ACBD6: variants seen among roughly 807,000 people sequenced by gnomAD.
The protein encoded by ACBD6 is acyl-CoA binding domain containing 6.
Under a neutral mutation model 37.2 loss-of-function variants are expected in ACBD6, and 28 were observed. The observed-to-expected ratio is 0.75, with a 90% CI of 0.56 to 1.03. The LOEUF is 1.03. Ranked by LOEUF, ACBD6 falls within the 50% of genes least tolerant of loss-of-function variation. ACBD6 has a pLI of 0.00. For missense variants in ACBD6, 340 were observed against 337.4 expected (o/e 1.01, Z -0.06); for synonymous variants, 113 against 126.8 (o/e 0.89, Z 0.73).
intron 6 of ACBD6, among the ~76,000 whole-genome samples, chr1:180,380,911 T>C (rs56303477): frequency 0.15 from 23,455 of 152,134 alleles, 3,203 homozygotes; most frequent in African/African-American, 0.37. Flanking sequence ...TTTTCCACTT[T>C]AAAGACACAC....
intron 9 of ACBD6, among the ~76,000 whole-genome samples, chr1:180,279,266 A>G (rs1558231371): frequency 1.3e-5 from 2 of 152,184 alleles, no homozygotes; most frequent in Non-Finnish European, 2.9e-5. Flanking sequence ...TGTTGACCAT[A>G]TAACTTTTAG....
chr1:180,406,360 A>C (rs188847709), intron 5 of ACBD6, among the ~76,000 whole-genome samples: 44 of 152,280 alleles, frequency 2.9e-4, no homozygotes, highest in African/African-American at 1.0e-3. Flanking sequence ...ACTGTTGCTA[A>C]AAAGTTTCAG....
At position 180,502,141 on chromosome 1, in the gene ACBD6, C is replaced by T. The variant is rs1393293312; in HGVS notation, c.126G>A (p.Leu42=). The change falls in exon 1 of 8, where the codon CTG becomes CTA. Residue 42 remains leucine, a synonymous_variant. Coordinates refer to ENST00000367595, the MANE Select transcript of ACBD6 (RefSeq NM_032360.4). The stretch of plus-strand genomic sequence containing the variant: ...CGGCAGCCTTCTCAAACAGCTCGGC[C>T]AGGCAACTGGTCTCCTCGATCTCAG... The part of the protein sequence containing the change: ...HSPEIEETSC[L]AELFEKAAAH... The T allele has an allele frequency of 6.2e-7, 1 of 1,614,110 alleles. No individual in the cohort carries two copies. The highest frequency in any genetic ancestry group is 1.7e-5 in the Admixed American group (1 of 60,030).
chr1:180,493,252 A>AAAAAG (rs1651582524), intron 2 of ACBD6, among the ~76,000 whole-genome samples: 1 of 87,726 alleles, frequency 1.1e-5, no homozygotes, highest in Non-Finnish European at 2.5e-5. Context: ...TGTCTCAAAA[A>AAAAAG]AAAAAAAAAA....
intron 7 of ACBD6, among the ~76,000 whole-genome samples, chr1:180,298,763 T>G (rs1310194869): frequency 6.6e-6 from 1 of 152,248 alleles, no homozygotes; most frequent in African/African-American, 2.4e-5. Flanking sequence ...GGCATTCATA[T>G]GAAAGGGGTT....
At chr1:180,419,774 A>T (rs1402528255) in intron 4 of ACBD6, among the ~76,000 whole-genome samples, 1 of 152,190 alleles carries the variant, frequency 6.6e-6, no homozygotes, top group East Asian at 1.9e-4. Flanking sequence ...GTGGAAGTGG[A>T]TCATCATAAA....
At chr1:180,421,874 A>G (rs1648379184) in intron 4 of ACBD6, among the ~76,000 whole-genome samples, 2 of 151,472 alleles carry the variant, frequency 1.3e-5, no homozygotes, top group Admixed American at 1.3e-4. Flanking sequence ...TTTCTTGTAA[A>G]TTTGCTTATT....
Position 180,430,214 on chromosome 1 carries a change from C to G in ACBD6, c.433G>C (p.Val145Leu), listed in dbSNP as rs1282798846. The change falls in exon 4 of 8, where the codon GTT (valine) becomes CTT (leucine). Residue 145 changes from valine to leucine, a missense_variant. Transcript: ENST00000367595. ...TCTTCATGATATAGAGAACTAATAA[C>G]TGGCCCACCAAAACCTGTATTTGCT... is the stretch of plus-strand genomic sequence containing the variant. ...KEANTGFGGP[V>L]ISSLYHEETI... 4 of 1,613,308 alleles carry G rather than the reference C, an allele frequency of 2.5e-6. No individual in the cohort carries two copies. The African/African-American group carries it at 5.3e-5, about 22-fold the overall frequency.
intron 3 of ACBD6, among the ~76,000 whole-genome samples, chr1:180,466,478 G>T (rs1557882410): frequency 2.0e-5 from 3 of 152,102 alleles, no homozygotes; most frequent in African/African-American, 4.8e-5. Flanking sequence ...TTGGTAGGTG[G>T]TCTGGCAGTT....
At chr1:180,358,565 C>A (rs200643618) in intron 6 of ACBD6, among the ~76,000 whole-genome samples, 18 of 106,610 alleles carry the variant, frequency 1.7e-4, no homozygotes, top group East Asian at 3.1e-4. Context: ...CCAAAAAAAA[C>A]CCCAAAAGAA....
chr1:180,316,293 C>T (rs1405774046), intron 6 of ACBD6, among the ~76,000 whole-genome samples: 1 of 151,700 alleles, frequency 6.6e-6, no homozygotes, highest in Non-Finnish European at 1.5e-5. Flanking sequence ...TTGTCAGCTT[C>T]CAATGTTAAT....
chr1:180,293,744 GT>G (rs565382628), intron 7 of ACBD6, among the ~76,000 whole-genome samples: 282 of 150,796 alleles, frequency 1.9e-3, no homozygotes, highest in African/African-American at 6.6e-3. Flanking sequence ...TTTTATTTTT[GT>G]TTTTTTTTAA....
intron 1 of ACBD6, among the ~76,000 whole-genome samples, chr1:180,495,820 CAAGTT>C (rs1295410628): frequency 6.6e-6 from 1 of 152,020 alleles, no homozygotes; most frequent in Non-Finnish European, 1.5e-5. Flanking sequence ...ATATATAAGA[CAAGTT>C]ATCAATATAG....
intron 6 of ACBD6, among the ~76,000 whole-genome samples, chr1:180,371,103 T>C (rs1002793358): frequency 6.6e-6 from 1 of 152,060 alleles, no homozygotes; most frequent in African/African-American, 2.4e-5. Context: ...ATTGGAAAAC[T>C]TGGATTTGAA....
chr1:180,329,199 T>C (rs866498100), intron 6 of ACBD6, among the ~76,000 whole-genome samples: 3 of 152,216 alleles, frequency 2.0e-5, no homozygotes, highest in South Asian at 2.1e-4. Flanking sequence ...GGGAATATGA[T>C]TGAACAAAAA....
chr1:180,318,163 GCCC>G lies in ACBD6; in HGVS notation c.664-3444_664-3442del, dbSNP rs1553291888. ...GGTGACAGAGTAAGATTCCATCTCC[GCCC>G]CCCCCCCCCAAAAAAAAAAGAAAGA... On this transcript the variant is annotated intron_variant, in intron 6 of 7. Coordinates refer to ENST00000367595, the MANE Select transcript of ACBD6 (RefSeq NM_032360.4). 5.1e-4 allele frequency among the ~76,000 whole-genome samples: 16 copies of G among 31,418 alleles called. No homozygotes were observed. In the East Asian group the frequency reaches 0.011, roughly 21 times the overall value. The allele number at this position is 31,418 out of a possible 152,430, so 20.6% of individuals were successfully genotyped here. A position where few individuals can be genotyped will look rare whatever the true frequency, so the allele number is the denominator to read the frequency against.
intron 5 of ACBD6, among the ~76,000 whole-genome samples, chr1:180,403,111 A>G (rs1324708272): frequency 6.6e-6 from 1 of 152,184 alleles, no homozygotes; most frequent in Non-Finnish European, 1.5e-5. Flanking sequence ...ATAATCCCAT[A>G]TATATAAAGT....
chr1:180,347,492 G>A (rs965112810), intron 6 of ACBD6, among the ~76,000 whole-genome samples: 3 of 150,058 alleles, frequency 2.0e-5, no homozygotes, highest in Non-Finnish European at 1.5e-5. Context: ...TCAGCCTCCC[G>A]AGTAGCAAGG....
At chr1:180,363,965 A>T (rs1247753690) in intron 6 of ACBD6, among the ~76,000 whole-genome samples, 1 of 152,230 alleles carries the variant, frequency 6.6e-6, no homozygotes, top group African/African-American at 2.4e-5. Context: ...TAGAAAATTA[A>T]AAAGTATGAA....
Sources: gnomAD v4.1 joint callset for allele counts (sites outside exome capture counted in the v4.1 genomes callset) on GRCh38, gnomAD v4.1.1 for gene constraint, MANE v1.5 for transcripts, NCBI Gene and HGNC (gene_info 2026-07-23, HGNC 2026-07-21) for gene names.